Variants in OR1J2 observed in about 807,000 individuals in gnomAD.
The protein encoded by OR1J2 is olfactory receptor family 1 subfamily J member 2, also known as olfactory receptor 1J2.
For missense variants in OR1J2, 304 were observed against 246.1 expected, an observed-to-expected ratio of 1.24 and a Z score of -1.57; for synonymous variants, 142 against 99.7, an observed-to-expected ratio of 1.42 and a Z score of -2.52.
the OR1J2 span, among the ~76,000 whole-genome samples, chr9:122,447,811 G>A: frequency 1.3e-5 from 2 of 151,978 alleles, no homozygotes; most frequent in Non-Finnish European, 2.9e-5. Context: ...TTGTTTAGAA[G>A]GATACATACA....
chr9:122,527,822 A>AT, the OR1J2 span, among the ~76,000 whole-genome samples: 1 of 152,220 alleles, frequency 6.6e-6, no homozygotes, highest in Non-Finnish European at 1.5e-5. Flanking sequence ...CATTGGCATC[A>AT]TCATCATCCT....
At chr9:122,455,504 G>T in the OR1J2 span, among the ~76,000 whole-genome samples, 6 of 152,134 alleles carry the variant, frequency 3.9e-5, no homozygotes, top group Admixed American at 2.0e-4. Flanking sequence ...TTTCTTTGGA[G>T]GGATGCCTAT....
the OR1J2 span, among the ~76,000 whole-genome samples, chr9:122,482,859 G>T: frequency 6.6e-6 from 1 of 152,100 alleles, no homozygotes; most frequent in Non-Finnish European, 1.5e-5. Flanking sequence ...AGCCTGGGAG[G>T]GTGAGCAGGA....
the OR1J2 span, among the ~76,000 whole-genome samples, chr9:122,533,172 A>T: frequency 6.6e-6 from 1 of 152,076 alleles, no homozygotes; most frequent in African/African-American, 2.4e-5. Flanking sequence ...AGGATAGGAG[A>T]GTATATGGGT....
the OR1J2 span, among the ~76,000 whole-genome samples, chr9:122,479,396 T>C: frequency 1.8e-3 from 281 of 152,372 alleles, no homozygotes; most frequent in African/African-American, 6.5e-3. Flanking sequence ...TCTCGGCCTT[T>C]GTGTTTTATT....
the OR1J2 span, among the ~76,000 whole-genome samples, chr9:122,521,243 T>G: frequency 1.3e-3 from 205 of 152,302 alleles, 1 homozygote; most frequent in Non-Finnish European, 2.5e-3. Context: ...GAGATGAGTT[T>G]TGAAGCAGAA....
chr9:122,485,938 A>G, the OR1J2 span, among the ~76,000 whole-genome samples: 1 of 151,744 alleles, frequency 6.6e-6, no homozygotes, highest in East Asian at 1.9e-4. Context: ...TTTTCAAATA[A>G]TATTCACCTG....
chr9:122,448,404 G>A, the OR1J2 span, among the ~76,000 whole-genome samples: 4 of 152,218 alleles, frequency 2.6e-5, no homozygotes, highest in East Asian at 7.8e-4. Context: ...GTTTTATACT[G>A]AGACATTCAG....
downstream of OR1J2, among the ~76,000 whole-genome samples, chr9:122,512,170 A>G (rs1406126954): frequency 6.6e-6 from 1 of 152,182 alleles, no homozygotes; most frequent in Non-Finnish European, 1.5e-5. Context: ...AGTGCTTCAT[A>G]CCAGTCTCCT....
chr9:122,562,749 A>G, the OR1J2 span, among the ~76,000 whole-genome samples: 126 of 152,230 alleles, frequency 8.3e-4, no homozygotes, highest in African/African-American at 2.7e-3. Flanking sequence ...AATCCCACAA[A>G]TAAGTGAGAA....
At chr9:122,530,027 A>G in the OR1J2 span, among the ~76,000 whole-genome samples, 1 of 152,222 alleles carries the variant, frequency 6.6e-6, no homozygotes. Context: ...ATGAATACAA[A>G]TGGCAAACAG....
chr9:122,572,617 A>C, the OR1J2 span, among the ~76,000 whole-genome samples: 1 of 151,902 alleles, frequency 6.6e-6, no homozygotes, highest in Non-Finnish European at 1.5e-5. Context: ...GCTGCTCTCA[A>C]AGCATGTGGT....
the OR1J2 span, among the ~76,000 whole-genome samples, chr9:122,517,495 C>T: frequency 6.6e-6 from 1 of 152,214 alleles, no homozygotes; most frequent in African/African-American, 2.4e-5. Flanking sequence ...CTATCCTTAA[C>T]CTGTACAAAG....
the OR1J2 span, among the ~76,000 whole-genome samples, chr9:122,543,547 T>C: frequency 7.9e-5 from 12 of 152,292 alleles, no homozygotes; most frequent in South Asian, 2.1e-4. Flanking sequence ...CCAGTCTTTT[T>C]ATTTTAGGAG....
At chr9:122,537,188 A>C in the OR1J2 span, among the ~76,000 whole-genome samples, 1 of 152,358 alleles carries the variant, frequency 6.6e-6, no homozygotes, top group South Asian at 2.1e-4. Flanking sequence ...TGATTTAAGC[A>C]ATCAGGTGGT....
the OR1J2 span, among the ~76,000 whole-genome samples, chr9:122,489,683 G>A: frequency 6.6e-6 from 1 of 152,104 alleles, no homozygotes; most frequent in Admixed American, 6.5e-5. Context: ...ATGCCTCAAG[G>A]GGCTCACACA....
At chr9:122,558,051 A>AT in the OR1J2 span, among the ~76,000 whole-genome samples, 2 of 151,442 alleles carry the variant, frequency 1.3e-5, no homozygotes, top group African/African-American at 4.8e-5. Flanking sequence ...ATTTGTAGTG[A>AT]TTTTTTTATT....
At chr9:122,460,677 C>T in the OR1J2 span, among the ~76,000 whole-genome samples, 7 of 151,992 alleles carry the variant, frequency 4.6e-5, no homozygotes, top group African/African-American at 1.7e-4. Context: ...ATGGAAATTG[C>T]ATTGAATTTG....
At chr9:122,563,748 C>T in the OR1J2 span, among the ~76,000 whole-genome samples, 1 of 152,186 alleles carries the variant, frequency 6.6e-6, no homozygotes, top group Non-Finnish European at 1.5e-5. Flanking sequence ...AGTTTCAGGT[C>T]TTACAGTCAA....
Sources: allele counts gnomAD v4.1 joint callset (sites outside exome capture counted in the v4.1 genomes callset), GRCh38; gene constraint gnomAD v4.1.1; transcripts MANE v1.5; gene names NCBI Gene and HGNC (gene_info 2026-07-23, HGNC 2026-07-21).